KLF12: variants seen among roughly 807,000 people sequenced by gnomAD.
The protein encoded by KLF12 is KLF transcription factor 12.
In KLF12, 9 loss-of-function variants were observed where a neutral mutation model predicts 37.8. The observed-to-expected ratio is 0.24, with a 90% CI of 0.14 to 0.42. The LOEUF is 0.42. Ranked by LOEUF, KLF12 falls within the 10% of genes least tolerant of loss-of-function variation. The pLI, the probability that KLF12 is intolerant of heterozygous loss-of-function variation, is 1.00. For synonymous variants in KLF12, 208 were observed against 202.1 expected, an observed-to-expected ratio of 1.03 and a Z score of -0.25; for missense variants, 411 against 516.0, an observed-to-expected ratio of 0.80 and a Z score of 1.97.
intron 3 of KLF12, among the ~76,000 whole-genome samples, chr13:73,908,549 C>T (rs1300758359): frequency 4.6e-5 from 7 of 150,668 alleles, no homozygotes; most frequent in Non-Finnish European, 1.0e-4. Flanking sequence ...GGCATGATCT[C>T]GGCTCACTGC....
At chr13:73,925,771 A>T (rs1889347000) in intron 3 of KLF12, among the ~76,000 whole-genome samples, 1 of 152,208 alleles carries the variant, frequency 6.6e-6, no homozygotes, top group Non-Finnish European at 1.5e-5. Flanking sequence ...ACATCCTGTG[A>T]TTCATGGGAG....
the KLF12 span, among the ~76,000 whole-genome samples, chr13:74,189,379 C>T: frequency 2.6e-5 from 4 of 152,152 alleles, no homozygotes; most frequent in South Asian, 4.1e-4. Context: ...ATCTGGTACA[C>T]GTTCTTCCTC....
At chr13:73,934,017 C>T (rs1282685283) in intron 3 of KLF12, among the ~76,000 whole-genome samples, 1 of 152,180 alleles carries the variant, frequency 6.6e-6, no homozygotes, top group African/African-American at 2.4e-5. Flanking sequence ...TCCCCCAACA[C>T]CTGGCAACTT....
At chr13:73,706,098 G>A (rs1874922812) in intron 7 of KLF12, among the ~76,000 whole-genome samples, 1 of 152,188 alleles carries the variant, frequency 6.6e-6, no homozygotes, top group Non-Finnish European at 1.5e-5. Flanking sequence ...GTTGCAGTGA[G>A]CCGAGATCGT....
chr13:73,789,748 C>T lies in KLF12; in HGVS notation c.806+23404G>A, dbSNP rs1180883272. Among the ~76,000 whole-genome samples the T allele has an allele frequency of 2.6e-5, 4 of 151,622 alleles. No individual in the cohort carries two copies. In the East Asian group the frequency reaches 7.8e-4, roughly 29 times the overall value. On this transcript the variant is annotated intron_variant, in intron 5 of 7. Transcript: ENST00000377669. ...CTGGAGTGCGGTGGTGCCATCTCCG[C>T]TCACTGCAAGCTCCGCCTCCCGGGT... is the stretch of plus-strand genomic sequence containing the variant.
intron 4 of KLF12, among the ~76,000 whole-genome samples, chr13:73,817,115 G>A (rs1883264551): frequency 6.6e-6 from 1 of 152,094 alleles, no homozygotes; most frequent in Non-Finnish European, 1.5e-5. Flanking sequence ...CCAGGAGTTT[G>A]AGACCAGCCC....
chr13:73,837,337 G>A (rs1489683370), intron 4 of KLF12, among the ~76,000 whole-genome samples: 1 of 152,198 alleles, frequency 6.6e-6, no homozygotes, highest in East Asian at 1.9e-4. Context: ...CCTAGTCTAT[G>A]CCAGATGAAG....
At chr13:73,969,735 A>AG (rs1343326982) in intron 2 of KLF12, among the ~76,000 whole-genome samples, 2 of 152,220 alleles carry the variant, frequency 1.3e-5, no homozygotes, top group African/African-American at 2.4e-5. Flanking sequence ...TACAATAAGT[A>AG]TTCAAGACAT....
intron 2 of KLF12, among the ~76,000 whole-genome samples, chr13:73,987,816 A>T (rs940967445): frequency 1.6e-5 from 2 of 127,782 alleles, no homozygotes; most frequent in Non-Finnish European, 3.3e-5. Flanking sequence ...GTGGGGGGGT[A>T]GATGAAGTGG....
At chr13:74,177,789 G>A in the KLF12 span, among the ~76,000 whole-genome samples, 1 of 152,168 alleles carries the variant, frequency 6.6e-6, no homozygotes, top group Admixed American at 6.5e-5. Context: ...TGTGGTTTAA[G>A]TGGGAGAGAA....
At chr13:73,825,250 G>T (rs940227707) in intron 4 of KLF12, among the ~76,000 whole-genome samples, 45 of 152,196 alleles carry the variant, frequency 3.0e-4, no homozygotes, top group African/African-American at 9.9e-4. Context: ...CTTCAGGTAT[G>T]GCCACTGCAT....
At chr13:73,979,139 G>A (rs1241168900) in intron 2 of KLF12, among the ~76,000 whole-genome samples, 1 of 152,046 alleles carries the variant, frequency 6.6e-6, no homozygotes, top group Non-Finnish European at 1.5e-5. Context: ...AACACTCAGA[G>A]GAAACACTAA....
At chr13:74,301,074 C>T in the KLF12 span, among the ~76,000 whole-genome samples, 1 of 152,172 alleles carries the variant, frequency 6.6e-6, no homozygotes, top group Non-Finnish European at 1.5e-5. Context: ...CTTCTTAAGC[C>T]ATGTTCTAAA....
the KLF12 span, among the ~76,000 whole-genome samples, chr13:74,216,664 GT>G: frequency 6.6e-6 from 1 of 152,176 alleles, no homozygotes; most frequent in Non-Finnish European, 1.5e-5. Flanking sequence ...AAAATTAGAA[GT>G]TTCAAACTGC....
At chr13:74,137,448 C>T (rs1464103177), upstream of KLF12, among the ~76,000 whole-genome samples, 1 of 152,064 alleles carries the variant, frequency 6.6e-6, no homozygotes, top group Non-Finnish European at 1.5e-5. Flanking sequence ...CTTAGATAAC[C>T]AAAAGAAGGA....
At chr13:74,016,900 G>A (rs1477164889) in intron 1 of KLF12, among the ~76,000 whole-genome samples, 3 of 152,110 alleles carry the variant, frequency 2.0e-5, no homozygotes, top group South Asian at 2.1e-4. Context: ...TAAAATGGAT[G>A]AATAAATCTG....
intron 2 of KLF12, among the ~76,000 whole-genome samples, chr13:73,947,219 T>C (rs973836513): frequency 4.6e-5 from 7 of 152,270 alleles, no homozygotes; most frequent in African/African-American, 1.7e-4. Flanking sequence ...AAATACTTTA[T>C]GTATGCTTAT....
intron 3 of KLF12, among the ~76,000 whole-genome samples, 176 bp from the exon 4 acceptor site, chr13:73,846,549 A>G (rs369276056): frequency 4.6e-4 from 70 of 152,310 alleles, no homozygotes; most frequent in African/African-American, 1.4e-3. Context: ...AACTGAGGGC[A>G]TAAGAGTACA....
At chr13:73,974,093 T>C (rs1431862823) in intron 2 of KLF12, among the ~76,000 whole-genome samples, 3 of 152,084 alleles carry the variant, frequency 2.0e-5, no homozygotes, top group African/African-American at 7.2e-5. Context: ...ATATTCTTTT[T>C]TAATGGAGAA....
Sources: gnomAD v4.1 joint callset for allele counts (sites outside exome capture counted in the v4.1 genomes callset) on GRCh38, gnomAD v4.1.1 for gene constraint, MANE v1.5 for transcripts, NCBI Gene and HGNC (gene_info 2026-07-23, HGNC 2026-07-21) for gene names.